XDH: variants seen among roughly 807,000 people sequenced by gnomAD.
XDH encodes the protein xanthine dehydrogenase.
A neutral mutation model predicts 156.1 loss-of-function variants in XDH; 138 were observed. The observed-to-expected ratio is 0.88, with a 90% CI of 0.77 to 1.02. The LOEUF is 1.02. Among genes scored for constraint, XDH ranks in the 50% least tolerant of loss-of-function variants. XDH has a pLI of 0.00. For missense variants in XDH, 1,849 were observed against 1,684.9 expected, an observed-to-expected ratio of 1.10 and a Z score of -1.71; for synonymous variants, 669 against 625.7, an observed-to-expected ratio of 1.07 and a Z score of -1.03.
At chr2:31,383,192 A>C (rs1250763536) in intron 10 of XDH, 40 bp from the exon 11 acceptor site, 2 of 1,613,762 alleles carry the variant, frequency 1.2e-6, no homozygotes, top group Non-Finnish European at 1.7e-6. Flanking sequence ...TTCTTCCCAC[A>C]GTTCAGAAGA....
intron 33 of XDH, among the ~76,000 whole-genome samples, chr2:31,340,689 C>T (rs999057134): frequency 2.6e-5 from 4 of 152,082 alleles, no homozygotes; most frequent in East Asian, 1.9e-4. Context: ...AAGCTGGTCT[C>T]GAACTCCTGA....
rs773456900 is a variant in XDH, at chr2:31,403,104, G to GC, written c.140dup (p.Cys48LeufsTer12). 1.0e-4 allele frequency: 168 copies of GC among 1,614,150 alleles called. 1 individual carries two copies. In the South Asian group the frequency reaches 1.0e-3, roughly 10 times the overall value. ...AGAGCATCACTGTGCAAGCCCCGCA[G>GC]CCCCCCTCTCCACAGCCGAGCTTGG... On this transcript the variant is annotated frameshift_variant, in exon 3 of 36. Coordinates refer to ENST00000379416, the MANE Select transcript of XDH (RefSeq NM_000379.4). LOFTEE classifies it high-confidence loss of function.
In XDH at chr2:31,363,314, G is replaced by C. The variant is rs45449398; in HGVS notation, c.2631+844C>G. Among the ~76,000 whole-genome samples the C allele has an allele frequency of 6.8e-4, 103 of 152,240 alleles. 1 individual carries two copies. In the East Asian group the frequency reaches 0.019, roughly 28 times the overall value. Reference sequence around the variant, plus strand: ...GACAGAGTGAGACTCTATCTCAAAAGAAAGAATAATAATAAAAACATAGAT... The same window carrying C: ...GACAGAGTGAGACTCTATCTCAAAACAAAGAATAATAATAAAAACATAGAT... On this transcript the variant is annotated intron_variant, in intron 24 of 35. Transcript: ENST00000379416.
At chr2:31,351,933 C>A (rs1685490840) in intron 24 of XDH, among the ~76,000 whole-genome samples, 1 of 152,156 alleles carries the variant, frequency 6.6e-6, no homozygotes, top group African/African-American at 2.4e-5. Context: ...TTCTCTTTGT[C>A]CTCAGGTTTC....
chr2:31,413,321 G>A (rs1467220055), intron 1 of XDH, among the ~76,000 whole-genome samples: 1 of 152,180 alleles, frequency 6.6e-6, no homozygotes, highest in Non-Finnish European at 1.5e-5. Flanking sequence ...TGTTTGAAAT[G>A]CTGGATGCAA....
Position 31,381,827 on chromosome 2 carries a change from C to T in XDH, c.1039-101G>A. 5 of 1,080,642 alleles carry T rather than the reference C, an allele frequency of 4.6e-6. 1 individual carries two copies. Among genetic ancestry groups the T allele is most frequent in the Middle Eastern group, 2.5e-4 (1 of 3,970 alleles). The allele number at this position is 1,080,642 out of a possible 1,614,324, so 66.9% of individuals were successfully genotyped here. A position where few individuals can be genotyped will look rare whatever the true frequency, so the allele number is the denominator to read the frequency against. On this transcript the variant is annotated intron_variant, in intron 11 of 35. Transcript: ENST00000379416. Reference sequence around the variant, plus strand: ...CCAGCCAGGTGACACCTGCTGCAGGCAAACCCCTGAGGTCCTGTGCCTACT... The same window carrying T: ...CCAGCCAGGTGACACCTGCTGCAGGTAAACCCCTGAGGTCCTGTGCCTACT...
chr2:31,404,156 G>A (rs941067257), intron 2 of XDH, among the ~76,000 whole-genome samples: 7 of 152,096 alleles, frequency 4.6e-5, no homozygotes, highest in Admixed American at 1.3e-4. Context: ...TTACCCTGCC[G>A]GTGTGGCCCC....
Position 31,336,009 on chromosome 2 carries a change from C to G in XDH, c.3952-1G>C, listed in dbSNP as rs1290137259. On this transcript the variant is annotated splice_acceptor_variant, in intron 35 of 35. Transcript: ENST00000379416. LOFTEE classifies it high-confidence loss of function. ...AGTTTTCTGGGACACCAGTGACACACTAGGAAGGAATGATAGTGTTCTCAT... is the reference window on the plus strand; with the variant it reads ...AGTTTTCTGGGACACCAGTGACACAGTAGGAAGGAATGATAGTGTTCTCAT... 18 of 1,614,194 alleles carry G rather than the reference C, an allele frequency of 1.1e-5. No individual in the cohort carries two copies. Among genetic ancestry groups the G allele is most frequent in the Non-Finnish European group, 1.3e-5 (15 of 1,180,032 alleles).
intron 24 of XDH, among the ~76,000 whole-genome samples, chr2:31,351,593 C>T (rs1324361692): frequency 2.6e-5 from 4 of 152,190 alleles, no homozygotes; most frequent in Non-Finnish European, 5.9e-5. Context: ...ATATTGAATC[C>T]CCTGTTCCTA....
At chr2:31,346,014 T>A (rs982541789) in intron 30 of XDH, among the ~76,000 whole-genome samples, 1 of 152,154 alleles carries the variant, frequency 6.6e-6, no homozygotes, top group Admixed American at 6.5e-5. Context: ...CTGAGAAAAA[T>A]GGCATGTTTT....
chr2:31,367,173 G>A (rs1455280567), intron 20 of XDH, among the ~76,000 whole-genome samples, 179 bp from the exon 21 acceptor site: 2 of 152,220 alleles, frequency 1.3e-5, no homozygotes, highest in Non-Finnish European at 2.9e-5. Context: ...CTATCTGGGA[G>A]CTGAGTGCTC....
rs766071282 is a variant in XDH, at chr2:31,348,307, C to T, written c.3108G>A (p.Gly1036=). The T allele has an allele frequency of 8.7e-6, 14 of 1,614,062 alleles. No individual in the cohort carries two copies. Among genetic ancestry groups the T allele is most frequent in the Admixed American group, 5.0e-5 (3 of 60,020 alleles). The change falls in exon 28 of 36, where the codon GGG becomes GGA. Residue 1036 remains glycine (G), a synonymous_variant. Transcript: ENST00000379416. ...TATGAAGGCCTTGGCCCATCTCAGT[C>T]CCCCCGTGGGTCAGCAGCACAGAGC... ...TDGSVLLTHG[G]TEMGQGLHTK... is the part of the protein sequence containing the mutation.
At chr2:31,346,729 C>G in intron 30 of XDH, 40 bp downstream of exon 30, 1 of 1,613,396 alleles carries the variant, frequency 6.2e-7, no homozygotes, top group Non-Finnish European at 8.5e-7. Context: ...GTCAATTTCC[C>G]TCTCCTTTGC....
rs1197861525 is a variant in XDH, at chr2:31,349,931, G to A, written c.2824-100C>T. 5 of 1,611,208 alleles carry A rather than the reference G, an allele frequency of 3.1e-6. No individual in the cohort carries two copies. In the African/African-American group the frequency reaches 4.0e-5, roughly 13 times the overall value. ...GCTTCCAACCCCCTCAGCAGCCCCTGCCTGTCATCTGCCCCCATGGGAGAT... is the reference window on the plus strand; with the variant it reads ...GCTTCCAACCCCCTCAGCAGCCCCTACCTGTCATCTGCCCCCATGGGAGAT... On this transcript the variant is annotated intron_variant, in intron 25 of 35. Transcript: ENST00000379416.
At chr2:31,370,289 A>T in intron 18 of XDH, 66 bp downstream of exon 18, 1 of 1,571,970 alleles carries the variant, frequency 6.4e-7, no homozygotes, top group Non-Finnish European at 8.7e-7. Context: ...AGTTTGGAGC[A>T]ATGTACACAA....
chr2:31,337,297 T>C (rs1012834740), intron 35 of XDH, among the ~76,000 whole-genome samples: 6 of 152,038 alleles, frequency 3.9e-5, no homozygotes, highest in Non-Finnish European at 8.8e-5. Flanking sequence ...AAAAAAATGC[T>C]AGCGACTGAC....
intron 13 of XDH, 56 bp from the exon 14 acceptor site, chr2:31,377,293 T>A (rs1686271136): frequency 6.2e-7 from 1 of 1,606,228 alleles, no homozygotes; most frequent in Non-Finnish European, 8.5e-7. Context: ...GGGCTGCAAA[T>A]GGCAGACCCA....
intron 34 of XDH, among the ~76,000 whole-genome samples, chr2:31,338,708 C>A (rs1685038799): frequency 7.0e-6 from 1 of 143,612 alleles, no homozygotes; most frequent in Non-Finnish European, 1.5e-5. Context: ...AGGCATCTGA[C>A]CAAGTCTTTT....
intron 28 of XDH, among the ~76,000 whole-genome samples, 153 bp downstream of exon 28, chr2:31,348,115 G>C (rs373939429): frequency 6.6e-6 from 1 of 152,090 alleles, no homozygotes; most frequent in African/African-American, 2.4e-5. Flanking sequence ...GAGTTCAAGT[G>C]GGGGAAAAGA....
Sources: gnomAD v4.1 joint callset for allele counts (sites outside exome capture counted in the v4.1 genomes callset) on GRCh38, gnomAD v4.1.1 for gene constraint, MANE v1.5 for transcripts, NCBI Gene and HGNC (gene_info 2026-07-23, HGNC 2026-07-21) for gene names.